The following UTP4 variants were observed in gnomAD, a reference collection of about 807,000 sequenced individuals.
UTP4 encodes U3 small nucleolar RNA-associated protein 4 homolog.
UTP4 carries 45 observed loss-of-function variants against 82.4 expected under a neutral mutation model. The observed-to-expected ratio is 0.55, with a 90% CI of 0.43 to 0.70. The LOEUF (loss-of-function observed/expected upper bound fraction) is 0.70. UTP4 is among the 30% of genes least tolerant of loss of function. The pLI is 0.00. For missense variants in UTP4, 819 were observed against 858.3 expected (o/e 0.95, Z 0.57); for synonymous variants, 348 against 300.3 (o/e 1.16, Z -1.64).
Position 69,153,676 on chromosome 16 carries a change from A to G in UTP4, c.1095A>G (p.Ala365=), listed in dbSNP as rs905824336. Residue 365 remains alanine (A), a synonymous_variant, in exon 9 of 17, where the codon GCA becomes GCG. Transcript: ENST00000314423. ...LELWRLGSTV[A]TGKNGDTLPL... ...TTTGGCGACTGGGATCCACAGTTGC[A>G]ACAGGTAAGATGGGAGCACGTTTTT... The G allele has an allele frequency of 3.1e-6, 5 of 1,608,828 alleles. No individual in the cohort carries two copies. The highest frequency in any genetic ancestry group is 4.3e-6 in the Non-Finnish European group (5 of 1,176,144).
chr16:69,163,171 A>T lies in UTP4; in HGVS notation c.1640A>T (p.Asp547Val), dbSNP rs767410791. 1 of 1,612,024 alleles carries T rather than the reference A, an allele frequency of 6.2e-7. No homozygotes were observed. ...NTNNLVIAHS[D>V]QQVFEYSIPD... ...AACAACCTTGTCATCGCTCATTCGG[A>T]CCAGCAGGTAAGGGAGATTCCAGTG... Residue 547 changes from aspartate to valine, a missense_variant, in exon 14 of 17, where the codon GAC (aspartate) becomes GTC (valine). Physicochemically the swap from Asp to Val is radical, Grantham distance 152 (BLOSUM62 -3). Coordinates refer to ENST00000314423, the MANE Select transcript of UTP4 (RefSeq NM_032830.3).
chr16:69,139,871 A>T lies in UTP4; in HGVS notation c.483A>T (p.Ala161=). The T allele has an allele frequency of 6.2e-7, 1 of 1,613,928 alleles. No homozygotes were observed. Among genetic ancestry groups the T allele is most frequent in the Non-Finnish European group, 8.5e-7 (1 of 1,179,892 alleles). The change falls in exon 5 of 17, where the codon GCA becomes GCT. Residue 161 remains alanine (A), a synonymous_variant. Coordinates refer to ENST00000314423, the MANE Select transcript of UTP4 (RefSeq NM_032830.3). ...LSWHPSGTHI[A]AGSIDYISVF... ...GGCATCCCTCTGGTACCCACATTGC[A>T]GCTGGTTCCATAGACTACATTAGTG...
rs144337393 is a variant in UTP4, at chr16:69,152,527, T to C, written c.1003-1057T>C. Among the ~76,000 whole-genome samples, 531 of 148,564 alleles carry C rather than the reference T, an allele frequency of 3.6e-3. 1 individual carries two copies. The highest frequency in any genetic ancestry group is 0.011 in the African/African-American group (440 of 40,204). On this transcript the variant is annotated intron_variant, in intron 8 of 16. Coordinates refer to ENST00000314423, the MANE Select transcript of UTP4 (RefSeq NM_032830.3). The stretch of plus-strand genomic sequence containing the variant: ...TCTTGTTGCCCAGGCTGGAGTGTAG[T>C]AGTGAAATCTCGGCTCACTGCAACC...
In UTP4 at chr16:69,153,619, TCTC is replaced by T. The variant is rs1555493686; in HGVS notation, c.1042_1044del (p.Leu348del). Reference sequence around the variant, plus strand: ...TCTCCTGTTCTAAAAAGAGGCAGCTTCTCCTCTTCCAGTTTGCTCATCACTTAG... The same window carrying T: ...TCTCCTGTTCTAAAAAGAGGCAGCTTCTCTTCCAGTTTGCTCATCACTTAG... On this transcript the variant is annotated inframe_deletion, in exon 9 of 17. Transcript: ENST00000314423. 1 of 1,613,594 alleles carries T rather than the reference TCTC, an allele frequency of 6.2e-7. No homozygotes were observed.
intron 4 of UTP4, among the ~76,000 whole-genome samples, chr16:69,138,364 A>G (rs775111389): frequency 2.6e-5 from 4 of 151,928 alleles, no homozygotes; most frequent in Non-Finnish European, 4.4e-5. Context: ...CAGCCTCCCA[A>G]GTGACTGGGA....
In UTP4 at chr16:69,158,235, G is replaced by A. The variant is rs549514768; in HGVS notation, c.1444+995G>A. 5.9e-5 allele frequency among the ~76,000 whole-genome samples: 8 copies of A among 134,912 alleles called. No homozygotes were observed. The East Asian group carries it at 9.0e-4, about 15-fold the overall frequency. 88.5% of individuals were successfully genotyped at this position (134,912 alleles called of 152,430 possible). ...TGCCGAGGCTGGAGTGCAGTGGTGCGATCATGGCTCACTGCAGCCTCACCC... is the reference window on the plus strand; with the variant it reads ...TGCCGAGGCTGGAGTGCAGTGGTGCAATCATGGCTCACTGCAGCCTCACCC... On this transcript the variant is annotated intron_variant, in intron 12 of 16. Coordinates refer to ENST00000314423, the MANE Select transcript of UTP4 (RefSeq NM_032830.3).
intron 6 of UTP4, among the ~76,000 whole-genome samples, chr16:69,145,155 T>C (rs865815143): frequency 2.0e-5 from 3 of 150,038 alleles, no homozygotes; most frequent in Middle Eastern, 3.4e-3. Context: ...ATAACAATAA[T>C]AATAATAATA....
intron 15 of UTP4, 22 bp downstream of exon 15, chr16:69,165,548 C>A (rs766587347): frequency 8.1e-6 from 13 of 1,595,322 alleles, no homozygotes; most frequent in Non-Finnish European, 1.1e-5. Flanking sequence ...ACTGCTACCT[C>A]CCAAATCTTC....
chr16:69,149,909 A>G (rs1309922307), intron 6 of UTP4, among the ~76,000 whole-genome samples: 3 of 151,922 alleles, frequency 2.0e-5, no homozygotes, highest in Non-Finnish European at 1.5e-5. Context: ...TTGTATTTTT[A>G]GTAGCGACGG....
Position 69,167,191 on chromosome 16 carries a change from A to G in UTP4, c.1944+6A>G. 1.3e-6 allele frequency: 2 copies of G among 1,549,006 alleles called. No homozygotes were observed. The highest frequency in any genetic ancestry group is 2.2e-5 in the South Asian group (2 of 89,768). ...AAATTTCTAAGATATATAAGGTAAA[A>G]CATCTTGTGTTGTTATTCTGGATAG... On this transcript the variant is annotated splice_donor_region_variant and intron_variant, in intron 16 of 16. Transcript: ENST00000314423.
chr16:69,132,688 T>C lies in UTP4; in HGVS notation c.-4T>C, dbSNP rs1481366566. ...ACCGGGAAGGGGAGCGTGGGGCCGC[T>C]GGTGAGTTGGGGAAGGGGCGTGGGA... On this transcript the variant is annotated splice_region_variant and 5_prime_UTR_variant, in exon 1 of 17. Coordinates refer to ENST00000314423, the MANE Select transcript of UTP4 (RefSeq NM_032830.3). 3.1e-6 allele frequency: 1 copy of C among 323,974 alleles called. No individual in the cohort carries two copies. The highest frequency in any genetic ancestry group is 4.7e-5 in the Admixed American group (1 of 21,284). 20.1% of individuals were successfully genotyped at this position (323,974 alleles called of 1,614,324 possible).
chr16:69,141,639 C>G (rs934684215), intron 5 of UTP4, among the ~76,000 whole-genome samples: 1 of 151,990 alleles, frequency 6.6e-6, no homozygotes, highest in Non-Finnish European at 1.5e-5. Context: ...GGGGGAAATT[C>G]TTTTACTCTT....
rs146897524 is a variant in UTP4 at position 69,133,724 on chromosome 16, C to T, written c.159+106C>T. On this transcript the variant is annotated intron_variant, in intron 2 of 16. Coordinates refer to ENST00000314423, the MANE Select transcript of UTP4 (RefSeq NM_032830.3). ...CAAACTGATTGAGTGACTTCCTAGCCCCTCTGAAGTTGCTTAGAACTACCA... is the reference window on the plus strand; with the variant it reads ...CAAACTGATTGAGTGACTTCCTAGCTCCTCTGAAGTTGCTTAGAACTACCA... 1,220 of 1,208,678 alleles carry T rather than the reference C, an allele frequency of 1.0e-3. 10 individuals are homozygous for T. The African/African-American group carries it at 0.017, about 17-fold the overall frequency. 74.9% of individuals were successfully genotyped at this position (1,208,678 alleles called of 1,614,324 possible).
chr16:69,136,710 T>G lies in UTP4; in HGVS notation c.174T>G (p.His58Gln). ...TGTTTCTGCAGTTTTTCCCAGGTCA[T>G]GAGTCTCGGGCTACAGAAGCTTTGT... Reference protein sequence around the residue: ...NYFQEKFFPGHESRATEALCW... With the variant: ...NYFQEKFFPGQESRATEALCW... Residue 58 changes from histidine (H) to glutamine (Q), a missense_variant, in exon 3 of 17, where the codon CAT becomes CAG. By Grantham distance (24) the His-to-Gln change is conservative. Transcript: ENST00000314423. 3 of 1,614,032 alleles carry G rather than the reference T, an allele frequency of 1.9e-6. No homozygotes were observed. Among genetic ancestry groups the G allele is most frequent in the Non-Finnish European group, 2.5e-6 (3 of 1,179,902 alleles).
At chr16:69,142,555 A>G (rs74469512) in intron 5 of UTP4, among the ~76,000 whole-genome samples, 2,729 of 152,162 alleles carry the variant, frequency 0.018, 84 homozygotes, top group African/African-American at 0.062. Flanking sequence ...CTCCTTTTCT[A>G]GAATATCTGG....
At chr16:69,151,041 T>C (rs1006301673) in intron 8 of UTP4, 137 bp downstream of exon 8, 2 of 720,774 alleles carry the variant, frequency 2.8e-6, no homozygotes, top group Admixed American at 4.3e-5. Context: ...GAGTTTGCTC[T>C]TGTTGCCCAG....
At chr16:69,165,717 T>C (rs987358509) in intron 15 of UTP4, 191 bp downstream of exon 15, 20 of 665,548 alleles carry the variant, frequency 3.0e-5, no homozygotes, top group Non-Finnish European at 5.4e-5. Context: ...GTTCCCACAG[T>C]TCTTCGGGAG....
chr16:69,146,151 G>A (rs1032467249), intron 6 of UTP4, among the ~76,000 whole-genome samples: 1 of 150,986 alleles, frequency 6.6e-6, no homozygotes, highest in Non-Finnish European at 1.5e-5. Flanking sequence ...TTTACCATTA[G>A]TTTTGTAATT....
chr16:69,155,200 G>A lies in UTP4; in HGVS notation c.1165-671G>A, dbSNP rs966884673. 3.9e-5 allele frequency among the ~76,000 whole-genome samples: 6 copies of A among 152,166 alleles called. No homozygotes were observed. In the South Asian group the frequency reaches 8.3e-4, roughly 21 times the overall value. On this transcript the variant is annotated intron_variant, in intron 10 of 16. Coordinates refer to ENST00000314423, the MANE Select transcript of UTP4 (RefSeq NM_032830.3). Reference sequence around the variant, plus strand: ...TGTTTGCTTACTTTTTTGAGGCAGGGTCTCATTGTGTTATCCAGGCTGGAG... The same window carrying A: ...TGTTTGCTTACTTTTTTGAGGCAGGATCTCATTGTGTTATCCAGGCTGGAG...
Sources: allele counts gnomAD v4.1 joint callset (sites outside exome capture counted in the v4.1 genomes callset), GRCh38; gene constraint gnomAD v4.1.1; transcripts MANE v1.5; gene names NCBI Gene and HGNC (gene_info 2026-07-23, HGNC 2026-07-21).